Variants in ASB18 observed in about 807,000 individuals in gnomAD.
The protein encoded by ASB18 is ankyrin repeat and SOCS box containing 18, also known as ankyrin repeat and SOCS box protein 18.
Under a neutral mutation model 33.4 loss-of-function variants are expected in ASB18, and 33 were observed. The observed-to-expected ratio is 0.99, with a 90% CI of 0.75 to 1.32. The LOEUF is 1.32. ASB18 is among the 40% of genes most tolerant of loss of function. ASB18 has a pLI of 0.00. For synonymous variants in ASB18, 295 were observed against 307.6 expected (o/e 0.96, Z 0.43); for missense variants, 694 against 655.5 (o/e 1.06, Z -0.64).
In ASB18 at chr2:236,263,858, T is replaced by C. The variant is rs538531776; in HGVS notation, c.205+283A>G. On this transcript the variant is annotated intron_variant, in intron 1 of 5. Coordinates refer to ENST00000409749, the MANE Select transcript of ASB18 (RefSeq NM_212556.4). The surrounding 1 kb of genome is among the most constrained non-coding windows in gnomAD (Gnocchi z 4.0). The stretch of plus-strand genomic sequence containing the variant: ...ATGATATGGTTATCAGTGGGTGAAA[T>C]TTACACACGCAAATGGACAGGCTTG... Among the ~76,000 whole-genome samples, 102 of 152,192 alleles carry C rather than the reference T, an allele frequency of 6.7e-4. No homozygotes were observed. The highest frequency in any genetic ancestry group is 1.2e-3 in the Non-Finnish European group (81 of 67,998).
Position 236,250,754 on chromosome 2 carries a change from A to G in ASB18, c.206-9352T>C, listed in dbSNP as rs373112197. On this transcript the variant is annotated intron_variant, in intron 1 of 5. Coordinates refer to ENST00000409749, the MANE Select transcript of ASB18 (RefSeq NM_212556.4). This position sits in a 1 kb window ranked among gnomAD's most constrained non-coding sequence, Gnocchi z 4.1. The stretch of plus-strand genomic sequence containing the variant: ...CCACTTCCTGCAGAATTAAAAAAAT[A>G]TATTTTAAAAGTAAGAAGCTGGGCA... The G allele has an allele frequency of 6.6e-6, 1 of 152,216 alleles. No individual in the cohort carries two copies. The highest frequency in any genetic ancestry group is 1.5e-5 in the Non-Finnish European group (1 of 68,036). 9.4% of individuals were successfully genotyped at this position (152,216 alleles called of 1,614,324 possible).
In ASB18 at chr2:236,238,303, G is replaced by T. The variant is rs2060605824; in HGVS notation, c.329-347C>A. On this transcript the variant is annotated intron_variant, in intron 2 of 5. Coordinates refer to ENST00000409749, the MANE Select transcript of ASB18 (RefSeq NM_212556.4). The surrounding 1 kb of genome is among the most constrained non-coding windows in gnomAD (Gnocchi z 5.2). ...TAAAAGCTGTCCAAGCAGGGTGCAC[G>T]GTAGGCGAATTTAAGTGAGGAATTC... 6.6e-6 allele frequency among the ~76,000 whole-genome samples: 1 copy of T among 152,106 alleles called. No homozygotes were observed. Among genetic ancestry groups the T allele is most frequent in the African/African-American group, 2.4e-5 (1 of 41,408 alleles).
chr2:236,198,570 G>T (rs1183832832), intron 4 of ASB18, among the ~76,000 whole-genome samples: 2 of 152,104 alleles, frequency 1.3e-5, no homozygotes, highest in African/African-American at 4.8e-5. Context: ...GTTTCACCAT[G>T]TTGGCCAGGC....
rs1559337160 is a variant in ASB18 at position 236,245,131 on chromosome 2, C to CG, written c.206-3730dup. On this transcript the variant is annotated intron_variant, in intron 1 of 5. Coordinates refer to ENST00000409749, the MANE Select transcript of ASB18 (RefSeq NM_212556.4). This position sits in a 1 kb window ranked among gnomAD's most constrained non-coding sequence, Gnocchi z 4.7. ...TGGCCATGACCCAAATTGGTTGCCA[C>CG]GGGGGCCGTAGGTTTATTTTTTACC... is the stretch of plus-strand genomic sequence containing the variant. Among the ~76,000 whole-genome samples, 6 of 152,100 alleles carry CG rather than the reference C, an allele frequency of 3.9e-5. No individual in the cohort carries two copies. Among genetic ancestry groups the CG allele is most frequent in the Admixed American group, 3.9e-4 (6 of 15,278 alleles).
intron 4 of ASB18, among the ~76,000 whole-genome samples, chr2:236,206,219 T>G (rs1221652304): frequency 5.3e-5 from 8 of 151,874 alleles, no homozygotes; most frequent in African/African-American, 1.9e-4. Context: ...TTAAGAATAG[T>G]TTTTGTCATT....
rs6722021 is a variant in ASB18, at chr2:236,262,699, C to T, written c.205+1442G>A. Reference sequence around the variant, plus strand: ...CTTGTGATGACAACCTCCCCTAAACCCCCCCCAGGGCAATCTTCTAGAGAG... The same window carrying T: ...CTTGTGATGACAACCTCCCCTAAACTCCCCCCAGGGCAATCTTCTAGAGAG... On this transcript the variant is annotated intron_variant, in intron 1 of 5. Transcript: ENST00000409749. This position sits in a 1 kb window ranked among gnomAD's most constrained non-coding sequence, Gnocchi z 5.2. Among the ~76,000 whole-genome samples, 2 of 152,146 alleles carry T rather than the reference C, an allele frequency of 1.3e-5. No homozygotes were observed. The highest frequency in any genetic ancestry group is 6.8e-3 in the Middle Eastern group (2 of 294).
rs549533629 is a variant in ASB18, at chr2:236,204,770, C to T, written c.1102-8385G>A. 6.6e-6 allele frequency among the ~76,000 whole-genome samples: 1 copy of T among 151,282 alleles called. No homozygotes were observed. Among genetic ancestry groups the T allele is most frequent in the South Asian group, 2.1e-4 (1 of 4,732 alleles). ...CTGGAATCAGAGTCATCCATTGCTC[C>T]TGTTTCTCCTACACTCCACATACCA... is the stretch of plus-strand genomic sequence containing the variant. On this transcript the variant is annotated intron_variant, in intron 4 of 5. Transcript: ENST00000409749. This position sits in a 1 kb window ranked among gnomAD's most constrained non-coding sequence, Gnocchi z 5.1.
At position 236,237,805 on chromosome 2, in the gene ASB18, G is replaced by C; in HGVS notation, c.480C>G (p.Cys160Trp). Residue 160 changes from cysteine (C) to tryptophan (W), a missense_variant, in exon 3 of 6, where the codon TGC becomes TGG. Coordinates refer to ENST00000409749, the MANE Select transcript of ASB18 (RefSeq NM_212556.4). The surrounding 1 kb of genome is among the most constrained non-coding windows in gnomAD (Gnocchi z 6.2). ...PGGRGALHEA[C>W]LGGHTACVRL... is the part of the protein sequence containing the mutation. ...GGACGCAGGCGGTGTGGCCCCCGAG[G>C]CAGGCCTCGTGCAGGGCGCCGCGGC... 7.0e-7 allele frequency: 1 copy of C among 1,422,120 alleles called. No homozygotes were observed. The allele number at this position is 1,422,120 out of a possible 1,614,324, so 88.1% of individuals were successfully genotyped here. A position where few individuals can be genotyped will look rare whatever the true frequency, so the allele number is the denominator to read the frequency against.
intron 2 of ASB18, among the ~76,000 whole-genome samples, chr2:236,240,665 T>A (rs1031709729): frequency 2.4e-4 from 36 of 152,290 alleles, no homozygotes; most frequent in Admixed American, 2.0e-4. Context: ...CTCTTTCCAC[T>A]TGGGAGGTCT....
In ASB18 at chr2:236,228,267, A is replaced by G. The variant is rs2060549625; in HGVS notation, c.596+9422T>C. 6.6e-6 allele frequency among the ~76,000 whole-genome samples: 1 copy of G among 152,190 alleles called. No individual in the cohort carries two copies. The highest frequency in any genetic ancestry group is 2.4e-5 in the African/African-American group (1 of 41,438). Reference sequence around the variant, plus strand: ...CTTACTCCCCAATATGATTGGCAGTATTGGATTTCTCAACCTCCCAAAGGG... The same window carrying G: ...CTTACTCCCCAATATGATTGGCAGTGTTGGATTTCTCAACCTCCCAAAGGG... On this transcript the variant is annotated intron_variant, in intron 3 of 5. Coordinates refer to ENST00000409749, the MANE Select transcript of ASB18 (RefSeq NM_212556.4). This position sits in a 1 kb window ranked among gnomAD's most constrained non-coding sequence, Gnocchi z 5.1.
chr2:236,233,717 C>A (rs560897518), intron 3 of ASB18, among the ~76,000 whole-genome samples: 1 of 152,066 alleles, frequency 6.6e-6, no homozygotes, highest in Admixed American at 6.5e-5. Flanking sequence ...TATATGCAAA[C>A]CTTGTTCCCT....
chr2:236,255,247 G>A lies in ASB18; in HGVS notation c.205+8894C>T, dbSNP rs2060686934. On this transcript the variant is annotated intron_variant, in intron 1 of 5. Coordinates refer to ENST00000409749, the MANE Select transcript of ASB18 (RefSeq NM_212556.4). This position sits in a 1 kb window ranked among gnomAD's most constrained non-coding sequence, Gnocchi z 4.4. The stretch of plus-strand genomic sequence containing the variant: ...CAACCTCCTCCTCCCAGGTTCAAGC[G>A]ATTCTCCTGCCTCAGCCTCTTGAGT... Among the ~76,000 whole-genome samples, 1 of 152,120 alleles carries A rather than the reference G, an allele frequency of 6.6e-6. No homozygotes were observed. Among genetic ancestry groups the A allele is most frequent in the South Asian group, 2.1e-4 (1 of 4,800 alleles).
intron 4 of ASB18, among the ~76,000 whole-genome samples, chr2:236,198,820 A>T (rs997214525): frequency 1.3e-5 from 2 of 152,208 alleles, no homozygotes; most frequent in African/African-American, 4.8e-5. Flanking sequence ...TTTCAGGTAG[A>T]CAATAATTTT....
rs756928182 is a variant in ASB18 at position 236,241,248 on chromosome 2, A to G, written c.328+32T>C. Reference sequence around the variant, plus strand: ...AGAGAGTATTAGTAGCCCCTTAAAAATAAATGACTGAGCTTTAAAGAACAA... The same window carrying G: ...AGAGAGTATTAGTAGCCCCTTAAAAGTAAATGACTGAGCTTTAAAGAACAA... On this transcript the variant is annotated intron_variant, in intron 2 of 5. Transcript: ENST00000409749. This position sits in a 1 kb window ranked among gnomAD's most constrained non-coding sequence, Gnocchi z 4.2. The G allele has an allele frequency of 6.2e-7, 1 of 1,611,594 alleles. No homozygotes were observed.
At position 236,220,141 on chromosome 2, in the gene ASB18, A is replaced by G. The variant is rs1158909064; in HGVS notation, c.597-5275T>C. On this transcript the variant is annotated intron_variant, in intron 3 of 5. Coordinates refer to ENST00000409749, the MANE Select transcript of ASB18 (RefSeq NM_212556.4). This position sits in a 1 kb window ranked among gnomAD's most constrained non-coding sequence, Gnocchi z 5.1. Reference sequence around the variant, plus strand: ...AGATGAACCCATCAAGGACTGTTGAATCAATGTCATTCCAATTCATGTCTA... The same window carrying G: ...AGATGAACCCATCAAGGACTGTTGAGTCAATGTCATTCCAATTCATGTCTA... Among the ~76,000 whole-genome samples, 1 of 152,214 alleles carries G rather than the reference A, an allele frequency of 6.6e-6. No homozygotes were observed. The highest frequency in any genetic ancestry group is 1.5e-5 in the Non-Finnish European group (1 of 68,046).
rs2060397586 is a variant in ASB18, at chr2:236,200,884, T to C, written c.1102-4499A>G. On this transcript the variant is annotated intron_variant, in intron 4 of 5. Transcript: ENST00000409749. This position sits in a 1 kb window ranked among gnomAD's most constrained non-coding sequence, Gnocchi z 4.2. ...TGGATTTTGTTGATCAGTTCTCTTTTAAAATATTATAACCCATTAATTTTT... is the reference window on the plus strand; with the variant it reads ...TGGATTTTGTTGATCAGTTCTCTTTCAAAATATTATAACCCATTAATTTTT... 6.6e-6 allele frequency among the ~76,000 whole-genome samples: 1 copy of C among 152,226 alleles called. No individual in the cohort carries two copies. Among genetic ancestry groups the C allele is most frequent in the South Asian group, 2.1e-4 (1 of 4,830 alleles).
Position 236,237,586 on chromosome 2 carries a change from G to A in ASB18, c.596+103C>T. On this transcript the variant is annotated intron_variant, in intron 3 of 5. Transcript: ENST00000409749. This position sits in a 1 kb window ranked among gnomAD's most constrained non-coding sequence, Gnocchi z 6.2. ...TGCAGGGTCTGGGTCCGGAGGCGGG[G>A]GCTGGGACGGAGGCGGAGGCGGGGT... 1.0e-6 allele frequency: 1 copy of A among 998,234 alleles called. No homozygotes were observed. The highest frequency in any genetic ancestry group is 1.3e-6 in the Non-Finnish European group (1 of 747,824). 61.8% of individuals were successfully genotyped at this position (998,234 alleles called of 1,614,324 possible). A position where few individuals can be genotyped will look rare whatever the true frequency, so the allele number is the denominator to read the frequency against.
rs1218311553 is a variant in ASB18, at chr2:236,228,657, C to T, written c.596+9032G>A. Among the ~76,000 whole-genome samples the T allele has an allele frequency of 2.0e-5, 3 of 152,284 alleles. No individual in the cohort carries two copies. The highest frequency in any genetic ancestry group is 7.2e-5 in the African/African-American group (3 of 41,544). On this transcript the variant is annotated intron_variant, in intron 3 of 5. Coordinates refer to ENST00000409749, the MANE Select transcript of ASB18 (RefSeq NM_212556.4). The surrounding 1 kb of genome is among the most constrained non-coding windows in gnomAD (Gnocchi z 5.1). ...AGGACAGAAACGGTGCAGTGCTCAT[C>T]ACATGCACAGGTTCAGGAATAGTGG...
At chr2:236,254,616 T>G (rs1463535852) in intron 1 of ASB18, among the ~76,000 whole-genome samples, 1 of 152,108 alleles carries the variant, frequency 6.6e-6, no homozygotes, top group Non-Finnish European at 1.5e-5. Flanking sequence ...GTCCCACAGA[T>G]CCTGTTCATT....
Sources: allele counts gnomAD v4.1 joint callset (sites outside exome capture counted in the v4.1 genomes callset), GRCh38; gene constraint gnomAD v4.1.1; non-coding constraint Gnocchi (gnomAD v3.1); transcripts MANE v1.5; gene names NCBI Gene and HGNC (gene_info 2026-07-23, HGNC 2026-07-21).